The following DPP10 variants were observed in gnomAD, a reference collection of about 807,000 sequenced individuals.
DPP10 encodes inactive dipeptidyl peptidase 10.
A neutral mutation model predicts 120.9 loss-of-function variants in DPP10; 33 were observed. The observed-to-expected ratio is 0.27, with a 90% CI of 0.21 to 0.37. The LOEUF (loss-of-function observed/expected upper bound fraction) is 0.37. Among genes scored for constraint, DPP10 ranks in the 10% least tolerant of loss-of-function variants. The pLI is 1.00. For synonymous variants in DPP10, 337 were observed against 326.1 expected (o/e 1.03, Z -0.36); for missense variants, 816 against 942.8 (o/e 0.87, Z 1.76).
intron 1 of DPP10, among the ~76,000 whole-genome samples, chr2:114,816,866 T>C (rs1161549713): frequency 4.6e-5 from 7 of 152,208 alleles, no homozygotes; most frequent in Non-Finnish European, 1.0e-4. Context: ...CTGCAAACTA[T>C]GAGCCTTCCA....
At chr2:114,599,870 AT>A (rs1239488024) in intron 1 of DPP10, among the ~76,000 whole-genome samples, 1 of 151,292 alleles carries the variant, frequency 6.6e-6, no homozygotes, top group Non-Finnish European at 1.5e-5. Flanking sequence ...GTAGTTCATG[AT>A]TTTTTTCTAT....
chr2:114,829,130 A>T (rs1330008889), intron 1 of DPP10, among the ~76,000 whole-genome samples: 1 of 151,570 alleles, frequency 6.6e-6, no homozygotes. Context: ...CTACTAAAAA[A>T]CTACAAAAAT....
chr2:115,309,041 C>T (rs2061477965), intron 1 of DPP10, among the ~76,000 whole-genome samples, 198 bp from the exon 2 acceptor site: 1 of 151,886 alleles, frequency 6.6e-6, no homozygotes, highest in African/African-American at 2.4e-5. Flanking sequence ...GTTTATCTCA[C>T]AGAGAGAGCA....
At chr2:115,482,495 A>G (rs955399832) in intron 3 of DPP10, among the ~76,000 whole-genome samples, 2 of 151,980 alleles carry the variant, frequency 1.3e-5, no homozygotes, top group African/African-American at 4.8e-5. Context: ...AAATGAGTTC[A>G]TCATCTCCAA....
At chr2:115,710,384 G>A (rs1410270498) in intron 7 of DPP10, among the ~76,000 whole-genome samples, 1 of 152,004 alleles carries the variant, frequency 6.6e-6, no homozygotes, top group Non-Finnish European at 1.5e-5. Flanking sequence ...AATGGTGAGG[G>A]AGAAAGAAAA....
intron 1 of DPP10, among the ~76,000 whole-genome samples, chr2:114,522,494 A>G (rs1314363902): frequency 6.6e-6 from 1 of 152,214 alleles, no homozygotes; most frequent in Non-Finnish European, 1.5e-5. Flanking sequence ...ACTTAGAGAT[A>G]GGACTAAAAA....
At chr2:114,784,687 T>C (rs920869109) in intron 1 of DPP10, among the ~76,000 whole-genome samples, 1 of 152,138 alleles carries the variant, frequency 6.6e-6, no homozygotes, top group Non-Finnish European at 1.5e-5. Flanking sequence ...CACAGGCACC[T>C]ATCACAGTTT....
chr2:115,020,728 T>A (rs908156019), intron 1 of DPP10, among the ~76,000 whole-genome samples: 3 of 152,038 alleles, frequency 2.0e-5, no homozygotes, highest in Non-Finnish European at 4.4e-5. Flanking sequence ...CACCAGCACA[T>A]GGAACATTCT....
At chr2:115,624,443 G>A (rs1021001031) in intron 5 of DPP10, among the ~76,000 whole-genome samples, 5 of 152,070 alleles carry the variant, frequency 3.3e-5, no homozygotes, top group African/African-American at 1.2e-4. Context: ...TGTTTAGTTT[G>A]GCAGCATGAG....
At chr2:114,542,549 G>A (rs191812330) in intron 1 of DPP10, among the ~76,000 whole-genome samples, 36 of 152,294 alleles carry the variant, frequency 2.4e-4, no homozygotes, top group African/African-American at 8.4e-4. Context: ...AAGGAATGCA[G>A]TTTCTGCCCC....
intron 1 of DPP10, among the ~76,000 whole-genome samples, chr2:115,052,479 GATAAGATAA>G: frequency 6.6e-6 from 1 of 152,194 alleles, no homozygotes; most frequent in Middle Eastern, 3.4e-3. Context: ...ATTCAACACC[GATAAGATAA>G]ACAACACAAT....
chr2:114,647,630 A>G (rs1309706163), intron 1 of DPP10, among the ~76,000 whole-genome samples: 1 of 151,904 alleles, frequency 6.6e-6, no homozygotes, highest in Admixed American at 6.6e-5. Flanking sequence ...GCCATTAAAA[A>G]TGTGGCATCC....
chr2:114,482,366 A>T (rs1384607064), intron 1 of DPP10, among the ~76,000 whole-genome samples: 1 of 152,214 alleles, frequency 6.6e-6, no homozygotes, highest in Non-Finnish European at 1.5e-5. Context: ...TCATAAAGAT[A>T]GAATGTTTTG....
At chr2:115,158,648 C>G (rs911527688) in intron 1 of DPP10, among the ~76,000 whole-genome samples, 1 of 151,936 alleles carries the variant, frequency 6.6e-6, no homozygotes, top group African/African-American at 2.4e-5. Context: ...AGTTCCTTTT[C>G]AGTTATGAGA....
chr2:114,831,106 A>G (rs1304769505), intron 1 of DPP10, among the ~76,000 whole-genome samples: 1 of 119,498 alleles, frequency 8.4e-6, no homozygotes, highest in Non-Finnish European at 1.6e-5. Context: ...AAAACAGATG[A>G]TGGGGCAGTA....
intron 5 of DPP10, among the ~76,000 whole-genome samples, chr2:115,628,919 A>C (rs2085597913): frequency 6.6e-6 from 1 of 151,426 alleles, no homozygotes; most frequent in African/African-American, 2.4e-5. Context: ...GCACCCATTA[A>C]CTCGTCATTT....
chr2:114,655,479 A>G (rs773270710), intron 1 of DPP10, among the ~76,000 whole-genome samples: 30 of 152,218 alleles, frequency 2.0e-4, no homozygotes, highest in Non-Finnish European at 3.1e-4. Flanking sequence ...CAAGTATCCT[A>G]TGGGTTGAGA....
intron 1 of DPP10, among the ~76,000 whole-genome samples, chr2:114,446,854 A>AG (rs1311155460): frequency 6.6e-6 from 1 of 152,130 alleles, no homozygotes; most frequent in African/African-American, 2.4e-5. Context: ...ACAGAAGACA[A>AG]GGGGTTAAAA....
chr2:115,646,900 C>G (rs760902904), intron 5 of DPP10, among the ~76,000 whole-genome samples: 3 of 152,130 alleles, frequency 2.0e-5, no homozygotes, highest in Non-Finnish European at 1.5e-5. Context: ...TGTGTGCACA[C>G]TGCTAGCTCT....
Sources: allele counts gnomAD v4.1 joint callset (sites outside exome capture counted in the v4.1 genomes callset), GRCh38; gene constraint gnomAD v4.1.1; transcripts MANE v1.5; gene names NCBI Gene and HGNC (gene_info 2026-07-23, HGNC 2026-07-21).